BLOC1S6: variants seen among roughly 807,000 people sequenced by gnomAD.
The protein encoded by BLOC1S6 is biogenesis of lysosomal organelles complex 1 subunit 6.
A neutral mutation model predicts 24.7 loss-of-function variants in BLOC1S6; 24 were observed. That is an observed-to-expected ratio of 0.97 (90% CI 0.70 to 1.37). The LOEUF (loss-of-function observed/expected upper bound fraction) is 1.37. Among genes scored for constraint, BLOC1S6 ranks in the 40% most tolerant of loss-of-function variants. The pLI, the probability that BLOC1S6 is intolerant of heterozygous loss-of-function variation, is 0.00. For missense variants in BLOC1S6, 175 were observed against 196.2 expected, an observed-to-expected ratio of 0.89 and a Z score of 0.64; for synonymous variants, 76 against 72.6, an observed-to-expected ratio of 1.05 and a Z score of -0.23.
chr15:45,606,226 A>G (rs1008762272), intron 4 of BLOC1S6, among the ~76,000 whole-genome samples, 169 bp from the exon 5 acceptor site: 8 of 152,206 alleles, frequency 5.3e-5, no homozygotes, highest in African/African-American at 1.9e-4. Context: ...TAGAGCAACA[A>G]ATTTTTTTGA....
upstream of BLOC1S6, chr15:45,587,131 C>T: frequency 4.5e-6 from 2 of 445,244 alleles, no homozygotes; most frequent in East Asian, 4.4e-5. Flanking sequence ...TGACCCACCC[C>T]GTGAGCAGCC....
intron 2 of BLOC1S6, 31 bp from the exon 3 acceptor site, chr15:45,603,069 A>G (rs748534241): frequency 1.4e-6 from 2 of 1,432,908 alleles, no homozygotes; most frequent in Non-Finnish European, 2.0e-6. Context: ...AAATATGTAG[A>G]GTTTGTCTTG....
At chr15:45,592,063 C>G in intron 1 of BLOC1S6, 72 bp from the exon 2 acceptor site, 1 of 1,544,512 alleles carries the variant, frequency 6.5e-7, no homozygotes. Context: ...TCTAATCCCA[C>G]TGCTTCAGTT....
intron 2 of BLOC1S6, among the ~76,000 whole-genome samples, chr15:45,594,077 G>A (rs991199084): frequency 5.3e-5 from 8 of 152,032 alleles, no homozygotes; most frequent in East Asian, 3.9e-4. Flanking sequence ...TAAAGATATA[G>A]GGGAAAGAGT....
chr15:45,587,616 T>A, intron 1 of BLOC1S6, 91 bp downstream of exon 1: 1 of 1,340,070 alleles, frequency 7.5e-7, no homozygotes, highest in Non-Finnish European at 1.0e-6. Flanking sequence ...CCTGGGGGAG[T>A]AAGCGGTTTT....
Position 45,605,449 on chromosome 15 carries a change from C to CA in BLOC1S6, c.335dup (p.His112GlnfsTer16), listed in dbSNP as rs762974622. The CA allele has an allele frequency of 1.2e-6, 2 of 1,612,194 alleles. No individual in the cohort carries two copies. Among genetic ancestry groups the CA allele is most frequent in the African/African-American group, 2.7e-5 (2 of 74,846 alleles). On this transcript the variant is annotated frameshift_variant, in exon 4 of 5. Transcript: ENST00000220531. LOFTEE classifies it high-confidence loss of function. ...TAAGTTTGCTGAGGCTAAACACTAT[C>CA]ATGCCAAGTTGGTGAATATAAGAAA...
intron 3 of BLOC1S6, among the ~76,000 whole-genome samples, chr15:45,605,189 A>G (rs1306294880): frequency 2.6e-5 from 4 of 152,240 alleles, no homozygotes; most frequent in Admixed American, 2.6e-4. Context: ...CCATCTTAAT[A>G]TAAATGTCTA....
chr15:45,594,634 A>G (rs192582751), intron 2 of BLOC1S6, among the ~76,000 whole-genome samples: 67 of 152,196 alleles, frequency 4.4e-4, no homozygotes, highest in Admixed American at 3.4e-3. Flanking sequence ...TCCAGGTTGG[A>G]GTGCAGTGGT....
chr15:45,600,208 C>T (rs1024050599), intron 2 of BLOC1S6, among the ~76,000 whole-genome samples: 14 of 145,496 alleles, frequency 9.6e-5, no homozygotes, highest in African/African-American at 3.1e-4. Context: ...GGAGGGATAG[C>T]ATTGGGAGAT....
chr15:45,603,264 A>G (rs1566904244), intron 3 of BLOC1S6, 77 bp downstream of exon 3: 6 of 912,822 alleles, frequency 6.6e-6, no homozygotes, highest in Non-Finnish European at 8.7e-6. Flanking sequence ...GCAATAGCTA[A>G]GATTTTAAGC....
chr15:45,597,107 A>G (rs1267036621), intron 2 of BLOC1S6, among the ~76,000 whole-genome samples: 2 of 152,156 alleles, frequency 1.3e-5, no homozygotes, highest in Non-Finnish European at 2.9e-5. Context: ...GTTGATATCT[A>G]TACGATAACT....
chr15:45,605,526 A>G lies in BLOC1S6; in HGVS notation c.399+12A>G, dbSNP rs1301040244. 3 of 1,538,380 alleles carry G rather than the reference A, an allele frequency of 2.0e-6. No homozygotes were observed. The highest frequency in any genetic ancestry group is 1.7e-5 in the Admixed American group (1 of 59,482). On this transcript the variant is annotated intron_variant, in intron 4 of 4. Coordinates refer to ENST00000220531, the MANE Select transcript of BLOC1S6 (RefSeq NM_012388.4). Reference sequence around the variant, plus strand: ...CATCAAAGTTAAAAGTGAGTTGAAAATTCTTTCACATTCTTTACAAAAGTA... The same window carrying G: ...CATCAAAGTTAAAAGTGAGTTGAAAGTTCTTTCACATTCTTTACAAAAGTA...
chr15:45,605,279 T>G, intron 3 of BLOC1S6, 149 bp from the exon 4 acceptor site: 1 of 628,942 alleles, frequency 1.6e-6, no homozygotes, highest in Non-Finnish European at 2.8e-6. Flanking sequence ...AAGGAAATCT[T>G]TATTTTGGAA....
chr15:45,595,104 T>C (rs992904766), intron 2 of BLOC1S6, among the ~76,000 whole-genome samples: 2 of 152,116 alleles, frequency 1.3e-5, no homozygotes, highest in South Asian at 2.1e-4. Context: ...AGCAGCTTGG[T>C]GTTCGAGGCT....
At chr15:45,594,294 C>A (rs1595554183) in intron 2 of BLOC1S6, among the ~76,000 whole-genome samples, 1 of 152,076 alleles carries the variant, frequency 6.6e-6, no homozygotes, top group East Asian at 1.9e-4. Context: ...TATAAATATT[C>A]ATTTATATGT....
chr15:45,594,995 G>C (rs964664558), intron 2 of BLOC1S6, among the ~76,000 whole-genome samples: 8 of 152,106 alleles, frequency 5.3e-5, no homozygotes, highest in Admixed American at 3.3e-4. Flanking sequence ...AGCCAATGCA[G>C]AGACACACAG....
intron 1 of BLOC1S6, 118 bp downstream of exon 1, chr15:45,587,643 CG>C: frequency 9.6e-7 from 1 of 1,040,240 alleles, no homozygotes; most frequent in African/African-American, 1.6e-5. Flanking sequence ...CTGCGGCCCC[CG>C]GGCCCTGCCC....
At chr15:45,605,611 C>T (rs1218522954) in intron 4 of BLOC1S6, 97 bp downstream of exon 4, 4 of 974,470 alleles carry the variant, frequency 4.1e-6, no homozygotes, top group African/African-American at 1.8e-5. Flanking sequence ...TTTTTTGAGA[C>T]GGAGTTTTGC....
rs1893910339 is a variant in BLOC1S6, at chr15:45,592,160, A to C, written c.108A>C (p.Glu36Asp). Residue 36 changes from glutamate (E) to aspartate (D), a missense_variant, in exon 2 of 5, where the codon GAA becomes GAC. Coordinates refer to ENST00000220531, the MANE Select transcript of BLOC1S6 (RefSeq NM_012388.4). ...TPGLSDTSPD[E>D]GLIEDLTIED... is the part of the protein sequence containing the mutation. ...GTTTAAGTGACACTTCTCCAGATGA[A>C]GGGTTAATAGAGGACTTGACTATAG... 6.2e-7 allele frequency: 1 copy of C among 1,614,022 alleles called. No homozygotes were observed. Among genetic ancestry groups the C allele is most frequent in the African/African-American group, 1.3e-5 (1 of 74,924 alleles).
Sources: gnomAD v4.1 joint callset for allele counts (sites outside exome capture counted in the v4.1 genomes callset) on GRCh38, gnomAD v4.1.1 for gene constraint, MANE v1.5 for transcripts, NCBI Gene and HGNC (gene_info 2026-07-23, HGNC 2026-07-21) for gene names.